The following ADHFE1 variants were observed in gnomAD, a reference collection of about 807,000 sequenced individuals.
The protein encoded by ADHFE1 is hydroxyacid-oxoacid transhydrogenase, mitochondrial.
A neutral mutation model predicts 54.8 loss-of-function variants in ADHFE1; 37 were observed. The ratio of observed to expected loss-of-function variants is 0.68; its 90% CI spans 0.52 to 0.89. The LOEUF (loss-of-function observed/expected upper bound fraction) is 0.89. Ranked by LOEUF, ADHFE1 falls within the 40% of genes least tolerant of loss-of-function variation. The pLI, the probability that ADHFE1 is intolerant of heterozygous loss-of-function variation, is 0.00. For missense variants in ADHFE1, 601 were observed against 591.2 expected, an observed-to-expected ratio of 1.02 and a Z score of -0.17; for synonymous variants, 203 against 229.3, an observed-to-expected ratio of 0.89 and a Z score of 1.04.
intron 1 of ADHFE1, among the ~76,000 whole-genome samples, chr8:66,435,601 A>ATTTT (rs533571994): frequency 6.4e-5 from 5 of 78,258 alleles, no homozygotes; most frequent in Non-Finnish European, 1.1e-4. Flanking sequence ...TCATTTCAAG[A>ATTTT]TTTTTTTTTT....
intron 7 of ADHFE1, among the ~76,000 whole-genome samples, 192 bp downstream of exon 7, chr8:66,447,533 TA>T (rs1351116047): frequency 6.6e-6 from 1 of 152,266 alleles, no homozygotes; most frequent in African/African-American, 2.4e-5. Context: ...GGACTTGAAA[TA>T]TTCCCAAAAA....
At chr8:66,451,370 C>G (rs937900266) in intron 8 of ADHFE1, among the ~76,000 whole-genome samples, 1 of 152,216 alleles carries the variant, frequency 6.6e-6, no homozygotes, top group African/African-American at 2.4e-5. Flanking sequence ...CGAATTTTCA[C>G]AGCCACATCA....
chr8:66,457,181 T>G lies in ADHFE1; in HGVS notation c.1162+15T>G. 6.2e-7 allele frequency: 1 copy of G among 1,606,628 alleles called. No homozygotes were observed. Among genetic ancestry groups the G allele is most frequent in the Non-Finnish European group, 8.5e-7 (1 of 1,175,282 alleles). On this transcript the variant is annotated intron_variant, in intron 12 of 13. Transcript: ENST00000396623. ...AGAAATACTGGGTATGAACCATTACTCAAAATTCTGTGACCGGCCAGGCAC... is the reference window on the plus strand; with the variant it reads ...AGAAATACTGGGTATGAACCATTACGCAAAATTCTGTGACCGGCCAGGCAC...
intron 2 of ADHFE1, 49 bp from the exon 3 acceptor site, chr8:66,442,749 T>C (rs767598265): frequency 2.0e-6 from 3 of 1,494,316 alleles, no homozygotes; most frequent in Non-Finnish European, 2.8e-6. Context: ...AAATAACATT[T>C]ATGCTTTTTT....
At chr8:66,442,951 A>G in intron 3 of ADHFE1, 107 bp downstream of exon 3, 1 of 953,738 alleles carries the variant, frequency 1.0e-6, no homozygotes, top group Non-Finnish European at 1.5e-6. Context: ...TTATTAATTC[A>G]CATTCCATAA....
rs1167039301 is a variant in ADHFE1 at position 66,454,406 on chromosome 8, C to CTTTTTCTT, written c.986+262_986+269dup. ...ATTCTTTTGTGTTCCTAAATGTATT[C>CTTTTTCTT]TTTTTCTTTTTTTCTTTTTTCCACC... On this transcript the variant is annotated intron_variant, in intron 10 of 13. Transcript: ENST00000396623. Among the ~76,000 whole-genome samples the CTTTTTCTT allele has an allele frequency of 2.1e-4, 32 of 151,834 alleles. 2 individuals are homozygous for CTTTTTCTT. Among genetic ancestry groups the CTTTTTCTT allele is most frequent in the African/African-American group, 7.7e-4 (32 of 41,420 alleles).
intron 12 of ADHFE1, 112 bp from the exon 13 acceptor site, chr8:66,460,196 C>A: frequency 7.3e-7 from 1 of 1,371,108 alleles, no homozygotes; most frequent in Non-Finnish European, 1.0e-6. Flanking sequence ...CCGTGCTGGG[C>A]GTTAGGGAGA....
chr8:66,446,530 A>G (rs1806033300), intron 6 of ADHFE1, among the ~76,000 whole-genome samples: 1 of 152,234 alleles, frequency 6.6e-6, no homozygotes, highest in Admixed American at 6.5e-5. Flanking sequence ...TGATTAACAT[A>G]CATACATGTT....
intron 7 of ADHFE1, among the ~76,000 whole-genome samples, chr8:66,448,345 A>G (rs1806135593): frequency 6.6e-6 from 1 of 152,182 alleles, no homozygotes; most frequent in African/African-American, 2.4e-5. Context: ...ACAGTTTCTA[A>G]AGACTTTTAC....
chr8:66,463,544 G>A (rs1000528339), intron 13 of ADHFE1, among the ~76,000 whole-genome samples: 15 of 152,296 alleles, frequency 9.8e-5, no homozygotes, highest in Admixed American at 2.0e-4. Flanking sequence ...AGATCGATAG[G>A]ACTTTGGTAG....
At chr8:66,442,027 A>G (rs118181526) in intron 2 of ADHFE1, among the ~76,000 whole-genome samples, 3,969 of 152,214 alleles carry the variant, frequency 0.026, 76 homozygotes, top group Middle Eastern at 0.068. Context: ...TTTTATATGC[A>G]TAAGCTTGAG....
chr8:66,437,228 C>T (rs930557445), intron 1 of ADHFE1, among the ~76,000 whole-genome samples: 3 of 152,042 alleles, frequency 2.0e-5, no homozygotes, highest in Non-Finnish European at 4.4e-5. Context: ...ATGCTGGTGG[C>T]TGATGGATAA....
chr8:66,434,978 C>CA (rs534816704), intron 1 of ADHFE1, among the ~76,000 whole-genome samples: 73,192 of 140,028 alleles, frequency 0.52, 18,693 homozygotes, highest in African/African-American at 0.63. Flanking sequence ...GACTGTGTCT[C>CA]AAAAAAAAAA....
At position 66,445,324 on chromosome 8, in the gene ADHFE1, T is replaced by C. The variant is rs1563488990; in HGVS notation, c.460T>C (p.Ser154Pro). The change falls in exon 6 of 14, where the codon TCC becomes CCC. Residue 154 changes from serine (S) to proline (P), a missense_variant. Ser to Pro is a moderately conservative substitution (Grantham distance 74, BLOSUM62 -1). Transcript: ENST00000396623. ...CTGTAAGGCTGCTAATCTGTATGCA[T>C]CCAGCCCTCATTCTGATTTCCTAGA... ...DTCKAANLYASSPHSDFLDYV... is the reference protein window; with the variant it reads ...DTCKAANLYAPSPHSDFLDYV... 1.2e-6 allele frequency: 2 copies of C among 1,614,128 alleles called. No individual in the cohort carries two copies. Among genetic ancestry groups the C allele is most frequent in the Non-Finnish European group, 1.7e-6 (2 of 1,180,026 alleles).
At chr8:66,460,900 A>G (rs1806864059) in intron 13 of ADHFE1, among the ~76,000 whole-genome samples, 1 of 152,248 alleles carries the variant, frequency 6.6e-6, no homozygotes, top group Non-Finnish European at 1.5e-5. Context: ...AAGAATAGGC[A>G]TAGCCTTTCA....
intron 12 of ADHFE1, among the ~76,000 whole-genome samples, chr8:66,457,543 A>G (rs1806653208): frequency 6.6e-6 from 1 of 151,808 alleles, no homozygotes; most frequent in African/African-American, 2.4e-5. Flanking sequence ...TAGCTTAATA[A>G]TGAAATGTCA....
At chr8:66,443,133 T>C (rs1328184501) in intron 3 of ADHFE1, among the ~76,000 whole-genome samples, 1 of 152,208 alleles carries the variant, frequency 6.6e-6, no homozygotes, top group African/African-American at 2.4e-5. Context: ...GTTAAATCTT[T>C]AGTTTTTTAA....
intron 8 of ADHFE1, among the ~76,000 whole-genome samples, chr8:66,449,633 A>G (rs1253152516): frequency 6.6e-6 from 1 of 152,126 alleles, no homozygotes; most frequent in Non-Finnish European, 1.5e-5. Flanking sequence ...TATTTCTATC[A>G]CAGACCTTGC....
chr8:66,464,946 A>T (rs1807091354), intron 13 of ADHFE1, among the ~76,000 whole-genome samples: 2 of 152,162 alleles, frequency 1.3e-5, no homozygotes, highest in Non-Finnish European at 2.9e-5. Flanking sequence ...TAGGTACCTC[A>T]TGTAAGTGAA....
Sources: gnomAD v4.1 joint callset for allele counts (sites outside exome capture counted in the v4.1 genomes callset) on GRCh38, gnomAD v4.1.1 for gene constraint, MANE v1.5 for transcripts, NCBI Gene and HGNC (gene_info 2026-07-23, HGNC 2026-07-21) for gene names.